Variants in GABRB3 observed in about 807,000 individuals in gnomAD.
GABRB3 encodes gamma-aminobutyric acid type A receptor subunit beta3.
In GABRB3, 14 loss-of-function variants were observed where a neutral mutation model predicts 52.1. The observed-to-expected ratio is 0.27, with a 90% confidence interval of 0.18 to 0.42. The LOEUF is 0.42. GABRB3 is among the 10% of genes least tolerant of loss of function. GABRB3 has a pLI of 1.00. For missense variants in GABRB3, 307 were observed against 609.1 expected, an observed-to-expected ratio of 0.50 and a Z score of 5.22; for synonymous variants, 260 against 232.3, an observed-to-expected ratio of 1.12 and a Z score of -1.08.
intron 4 of GABRB3, among the ~76,000 whole-genome samples, chr15:26,605,197 C>G (rs1452745649): frequency 6.6e-6 from 1 of 152,054 alleles, no homozygotes; most frequent in East Asian, 1.9e-4. Flanking sequence ...AAATGCAAAT[C>G]AAAACTACAA....
At chr15:26,704,681 T>C (rs1281997462) in intron 3 of GABRB3, among the ~76,000 whole-genome samples, 1 of 152,196 alleles carries the variant, frequency 6.6e-6, no homozygotes, top group African/African-American at 2.4e-5. Flanking sequence ...CTGCTAAATA[T>C]CCTAGCCATT....
chr15:26,716,426 G>A (rs986977101), intron 3 of GABRB3, among the ~76,000 whole-genome samples: 2 of 152,170 alleles, frequency 1.3e-5, no homozygotes, highest in African/African-American at 4.8e-5. Context: ...GAGTCCCTCA[G>A]AGCTAAGAGC....
At chr15:26,721,305 G>A (rs1456271112) in intron 3 of GABRB3, among the ~76,000 whole-genome samples, 1 of 152,132 alleles carries the variant, frequency 6.6e-6, no homozygotes, top group Admixed American at 6.5e-5. Context: ...CTTTGGAAGG[G>A]AAACTTGCAT....
At chr15:26,704,124 G>A (rs1366923094) in intron 3 of GABRB3, among the ~76,000 whole-genome samples, 1 of 152,208 alleles carries the variant, frequency 6.6e-6, no homozygotes, top group East Asian at 1.9e-4. Flanking sequence ...TGCCACCACA[G>A]CTCTTGCATT....
At chr15:26,624,932 G>C in intron 3 of GABRB3, 1 of 985,566 alleles carries the variant, frequency 1.0e-6, no homozygotes, top group Non-Finnish European at 1.2e-6. Context: ...AGCCGCTTGT[G>C]TGAGTGATCC....
intron 6 of GABRB3, among the ~76,000 whole-genome samples, chr15:26,568,277 G>A (rs984938186): frequency 1.3e-5 from 2 of 152,082 alleles, no homozygotes; most frequent in Admixed American, 6.5e-5. Flanking sequence ...GCACACTGAG[G>A]GCTTCTGCTT....
intron 8 of GABRB3, among the ~76,000 whole-genome samples, chr15:26,548,507 T>C (rs1037292452): frequency 6.6e-6 from 1 of 152,190 alleles, no homozygotes; most frequent in African/African-American, 2.4e-5. Flanking sequence ...ATAAAAACTA[T>C]ATTCTCCCAT....
chr15:26,751,374 G>C (rs1890502216), intron 3 of GABRB3, among the ~76,000 whole-genome samples: 2 of 152,116 alleles, frequency 1.3e-5, no homozygotes, highest in South Asian at 4.1e-4. Flanking sequence ...ATTGCAGAGG[G>C]AAAGCTGCAT....
intron 3 of GABRB3, among the ~76,000 whole-genome samples, chr15:26,709,123 T>A (rs2140127553): frequency 6.6e-6 from 1 of 152,310 alleles, no homozygotes; most frequent in South Asian, 2.1e-4. Flanking sequence ...CTCAATAATT[T>A]TTAGCAAATG....
At chr15:26,645,159 TTGAGCCCAGGAATTCCAGGTCACAC>T (rs1685681771) in intron 3 of GABRB3, among the ~76,000 whole-genome samples, 2 of 152,110 alleles carry the variant, frequency 1.3e-5, no homozygotes, top group South Asian at 4.2e-4. Context: ...GGAAGGGTGC[TTGAGCCCAGGAATTCCAGGTCACAC>T]TGAGCTATGA....
At chr15:26,628,312 A>G (rs1439570779) in intron 3 of GABRB3, among the ~76,000 whole-genome samples, 3 of 152,222 alleles carry the variant, frequency 2.0e-5, no homozygotes, top group Admixed American at 6.5e-5. Context: ...GCAAATGTTT[A>G]TTGAGTGCTT....
chr15:26,679,457 G>A (rs1429056656), intron 3 of GABRB3, among the ~76,000 whole-genome samples: 1 of 152,112 alleles, frequency 6.6e-6, no homozygotes, highest in Non-Finnish European at 1.5e-5. Context: ...GCTCTATGAT[G>A]TGGTGTCTAT....
At chr15:26,561,199 A>G (rs773311310) in intron 7 of GABRB3, 23 bp from the exon 8 acceptor site, 1 of 1,612,666 alleles carries the variant, frequency 6.2e-7, no homozygotes, top group South Asian at 1.1e-5. Flanking sequence ...CAAAGTGGTG[A>G]GAGGCTGAAA....
intron 7 of GABRB3, among the ~76,000 whole-genome samples, chr15:26,562,853 G>C (rs1052006775): frequency 6.6e-6 from 1 of 152,116 alleles, no homozygotes; most frequent in Non-Finnish European, 1.5e-5. Context: ...TTTTTATGTA[G>C]AACTGCAAAC....
chr15:26,702,191 T>G (rs1040612857), intron 3 of GABRB3, among the ~76,000 whole-genome samples: 2 of 152,150 alleles, frequency 1.3e-5, no homozygotes, highest in African/African-American at 4.8e-5. Context: ...GGAAAGGATT[T>G]ATTTGATTCA....
intron 3 of GABRB3, among the ~76,000 whole-genome samples, chr15:26,659,076 G>A (rs1384882549): frequency 6.6e-6 from 1 of 152,166 alleles, no homozygotes; most frequent in Non-Finnish European, 1.5e-5. Flanking sequence ...GGGTAAAGAC[G>A]GTGCCTTCAG....
chr15:26,618,294 C>T (rs1892339428), intron 4 of GABRB3, among the ~76,000 whole-genome samples: 1 of 151,846 alleles, frequency 6.6e-6, no homozygotes, highest in African/African-American at 2.4e-5. Flanking sequence ...ACCAAAACAG[C>T]ATGGTACTGG....
At chr15:26,705,340 T>C (rs989279928) in intron 3 of GABRB3, among the ~76,000 whole-genome samples, 2 of 152,170 alleles carry the variant, frequency 1.3e-5, no homozygotes, top group African/African-American at 4.8e-5. Flanking sequence ...GCTACACCTC[T>C]TAATATTATC....
intron 4 of GABRB3, among the ~76,000 whole-genome samples, chr15:26,597,383 T>G (rs183377896): frequency 6.6e-4 from 101 of 152,324 alleles, no homozygotes; most frequent in African/African-American, 2.4e-3. Context: ...TGAAGGAAGA[T>G]TGGCACCTTC....
Sources: gnomAD v4.1 joint callset for allele counts (sites outside exome capture counted in the v4.1 genomes callset) on GRCh38, gnomAD v4.1.1 for gene constraint, MANE v1.5 for transcripts, NCBI Gene and HGNC (gene_info 2026-07-23, HGNC 2026-07-21) for gene names.